LRRK2: variants seen among roughly 807,000 people sequenced by gnomAD.
The protein encoded by LRRK2 is leucine-rich repeat serine/threonine-protein kinase 2.
In LRRK2, 203 loss-of-function variants were observed where a neutral mutation model predicts 302.6. The observed-to-expected ratio is 0.67, with a 90% CI of 0.60 to 0.75. The LOEUF (loss-of-function observed/expected upper bound fraction) is 0.75, where lower values mean the gene tolerates loss of function less well. Among genes scored for constraint, LRRK2 ranks in the 30% least tolerant of loss-of-function variants. The pLI is 0.00. For missense variants in LRRK2, 2,830 were observed against 2,951.0 expected (o/e 0.96, Z 0.95); for synonymous variants, 1,066 against 1,031.9 (o/e 1.03, Z -0.63).
intron 19 of LRRK2, among the ~76,000 whole-genome samples, chr12:40,285,883 A>C (rs1943907853): frequency 6.6e-6 from 1 of 152,092 alleles, no homozygotes. Context: ...TGATAGTTAT[A>C]AAAGTTTGAA....
rs552751612 is a variant in LRRK2 at position 40,306,185 on chromosome 12, C to T, written c.3959+219C>T. On this transcript the variant is annotated intron_variant, in intron 28 of 50. Coordinates refer to ENST00000298910, the MANE Select transcript of LRRK2 (RefSeq NM_198578.4). ...TTCTTAGCCAGACTAATGTTGAGAG[C>T]GGCTTCTCCTCCTTCTGTTTCTTTT... Among the ~76,000 whole-genome samples the T allele has an allele frequency of 6.0e-4, 92 of 152,172 alleles. 1 individual carries two copies. Among genetic ancestry groups the T allele is most frequent in the African/African-American group, 4.1e-4 (17 of 41,522 alleles).
intron 31 of LRRK2, among the ~76,000 whole-genome samples, chr12:40,313,584 C>T (rs1945104654): frequency 6.6e-6 from 1 of 151,788 alleles, no homozygotes; most frequent in African/African-American, 2.4e-5. Context: ...TATCCAAAAG[C>T]TCTTGTAATT....
At chr12:40,278,473 C>G (rs1943553886) in intron 18 of LRRK2, among the ~76,000 whole-genome samples, 1 of 152,174 alleles carries the variant, frequency 6.6e-6, no homozygotes, top group South Asian at 2.1e-4. Context: ...TTCATTTCAT[C>G]TGTTTACTTA....
chr12:40,229,019 A>C (rs185051095), intron 2 of LRRK2, among the ~76,000 whole-genome samples: 7 of 152,338 alleles, frequency 4.6e-5, no homozygotes, highest in Non-Finnish European at 7.4e-5. Context: ...TTTTTGTGCA[A>C]GCTAGTAAAA....
chr12:40,288,070 G>A (rs567856933), intron 20 of LRRK2, among the ~76,000 whole-genome samples: 75 of 151,726 alleles, frequency 4.9e-4, no homozygotes, highest in Admixed American at 2.5e-3. Context: ...CAATGATTAG[G>A]GCTGATGTAT....
chr12:40,326,490 A>G (rs987847058), intron 38 of LRRK2, among the ~76,000 whole-genome samples: 8 of 145,172 alleles, frequency 5.5e-5, no homozygotes, highest in African/African-American at 1.8e-4. Context: ...AAAAAAAAAG[A>G]AAAAAAAAAC....
intron 39 of LRRK2, among the ~76,000 whole-genome samples, chr12:40,334,355 A>C (rs1278760374): frequency 5.3e-5 from 8 of 152,348 alleles, no homozygotes; most frequent in African/African-American, 1.9e-4. Context: ...CTTGAAAAAC[A>C]TAAAGGTTGG....
intron 16 of LRRK2, among the ~76,000 whole-genome samples, chr12:40,277,417 T>C (rs1017400128): frequency 2.6e-5 from 4 of 152,168 alleles, no homozygotes; most frequent in South Asian, 2.1e-4. Context: ...CTTTCTGAGA[T>C]AAACATTTCG....
chr12:40,341,425 T>A (rs1376520884), intron 41 of LRRK2, among the ~76,000 whole-genome samples: 2 of 152,194 alleles, frequency 1.3e-5, no homozygotes, highest in African/African-American at 2.4e-5. Flanking sequence ...CCTGGTTTTA[T>A]TTTTGCTCCA....
At chr12:40,255,999 A>T (rs1014998601) in intron 11 of LRRK2, among the ~76,000 whole-genome samples, 28 of 152,150 alleles carry the variant, frequency 1.8e-4, no homozygotes, top group African/African-American at 6.5e-4. Flanking sequence ...CTTAAGTTAA[A>T]ACTTTTTATG....
At chr12:40,253,874 A>G (rs11564130) in intron 11 of LRRK2, among the ~76,000 whole-genome samples, 4 of 152,222 alleles carry the variant, frequency 2.6e-5, no homozygotes, top group Non-Finnish European at 5.9e-5. Flanking sequence ...AAAATTTCAT[A>G]GAAATGCAAC....
chr12:40,335,295 C>T, intron 40 of LRRK2, 138 bp downstream of exon 40: 1 of 982,352 alleles, frequency 1.0e-6, no homozygotes, highest in Non-Finnish European at 1.6e-6. Flanking sequence ...CTACCATTTC[C>T]CTGATCAAAT....
At position 40,263,810 on chromosome 12, in the gene LRRK2, A is replaced by G. The variant is rs759183977; in HGVS notation, c.1565A>G (p.Glu522Gly). The stretch of plus-strand genomic sequence containing the variant: ...TTAGGCATGCCAGAAGAATCCAGGG[A>G]GGATACAGAATTTCATCATAAGCTA... ...IVPGMPEESR[E>G]DTEFHHKLNM... Residue 522 changes from glutamate (E) to glycine (G), a missense_variant, in exon 14 of 51, where the codon GAG (glutamate) becomes GGG (glycine). By Grantham distance (98) the Glu-to-Gly change is moderately conservative. Transcript: ENST00000298910. 31 of 1,612,532 alleles carry G rather than the reference A, an allele frequency of 1.9e-5. No homozygotes were observed. Among genetic ancestry groups the G allele is most frequent in the Non-Finnish European group, 2.6e-5 (31 of 1,178,858 alleles).
chr12:40,335,183 T>C, intron 40 of LRRK2, 26 bp downstream of exon 40: 1 of 1,612,262 alleles, frequency 6.2e-7, no homozygotes. Flanking sequence ...TGTTTTCTAT[T>C]CAGTGCATGA....
intron 26 of LRRK2, among the ~76,000 whole-genome samples, chr12:40,303,319 T>C (rs565846383): frequency 2.0e-5 from 3 of 152,276 alleles, no homozygotes; most frequent in Non-Finnish European, 4.4e-5. Context: ...GGTTAATTCA[T>C]GAAACCAGAA....
chr12:40,305,685 G>A (rs979020012), intron 27 of LRRK2, 100 bp from the exon 28 acceptor site: 4 of 1,028,650 alleles, frequency 3.9e-6, no homozygotes, highest in Non-Finnish European at 3.0e-6. Flanking sequence ...GCAAGCTGCT[G>A]ATGGAATCTG....
intron 1 of LRRK2, 126 bp downstream of exon 1, chr12:40,225,408 C>A: frequency 7.7e-7 from 1 of 1,306,706 alleles, no homozygotes; most frequent in Non-Finnish European, 1.1e-6. Flanking sequence ...CCGCAAACTC[C>A]CATATCCTTT....
rs1272244002 is a variant in LRRK2, at chr12:40,304,395, G to A, written c.3777+261G>A. On this transcript the variant is annotated intron_variant, in intron 27 of 50. Coordinates refer to ENST00000298910, the MANE Select transcript of LRRK2 (RefSeq NM_198578.4). ...ATCTACTTTTAAAAATAAGGTAGTA[G>A]CCTTAATACTTCCACTAAACAATAA... 8 of 543,298 alleles carry A rather than the reference G, an allele frequency of 1.5e-5. No homozygotes were observed. In the East Asian group the frequency reaches 2.1e-4, roughly 14 times the overall value. The allele number at this position is 543,298 out of a possible 1,614,324, so 33.7% of individuals were successfully genotyped here.
chr12:40,367,316 G>A (rs760525093), intron 50 of LRRK2: 8 of 456,780 alleles, frequency 1.8e-5, no homozygotes, highest in East Asian at 3.9e-5. Flanking sequence ...AACCTTAAAC[G>A]AAATGTGAAT....
Sources: gnomAD v4.1 joint callset for allele counts (sites outside exome capture counted in the v4.1 genomes callset) on GRCh38, gnomAD v4.1.1 for gene constraint, MANE v1.5 for transcripts, NCBI Gene and HGNC (gene_info 2026-07-23, HGNC 2026-07-21) for gene names.